EML1: variants seen among roughly 807,000 people sequenced by gnomAD.
EML1 encodes EMAP like 1, also known as echinoderm microtubule-associated protein-like 1.
A neutral mutation model predicts 110.4 loss-of-function variants in EML1; 27 were observed. That is an observed-to-expected ratio of 0.24 (90% CI 0.18 to 0.34). EML1 has a LOEUF of 0.34. Among genes scored for constraint, EML1 ranks in the 10% least tolerant of loss-of-function variants. The pLI, the probability that EML1 is intolerant of heterozygous loss-of-function variation, is 1.00. For missense variants in EML1, 741 were observed against 1,030.9 expected (o/e 0.72, Z 3.85); for synonymous variants, 344 against 385.8 (o/e 0.89, Z 1.27).
At chr14:99,789,294 C>T (rs1307809611), upstream of EML1, among the ~76,000 whole-genome samples, 1 of 152,114 alleles carries the variant, frequency 6.6e-6, no homozygotes, top group Non-Finnish European at 1.5e-5. Flanking sequence ...TTGCAACCTC[C>T]ACCTCCTGGG....
intron 2 of EML1, among the ~76,000 whole-genome samples, chr14:99,862,039 A>G (rs2059011031): frequency 6.6e-6 from 1 of 152,120 alleles, no homozygotes; most frequent in Non-Finnish European, 1.5e-5. Flanking sequence ...AGGATAACAC[A>G]TTATCTTTAG....
upstream of EML1, among the ~76,000 whole-genome samples, chr14:99,792,495 C>T (rs572788528): frequency 1.3e-5 from 2 of 152,298 alleles, no homozygotes; most frequent in South Asian, 2.1e-4. Context: ...AGCATTTATA[C>T]GTGTATGGCC....
intron 1 of EML1, among the ~76,000 whole-genome samples, chr14:99,739,379 A>T (rs2057015056): frequency 6.6e-6 from 1 of 152,176 alleles, no homozygotes; most frequent in Admixed American, 6.5e-5. Context: ...AGCCACCCGC[A>T]TGGAGATGGG....
chr14:99,851,153 A>G (rs2058792050), intron 2 of EML1, 118 bp downstream of exon 2: 1 of 1,151,246 alleles, frequency 8.7e-7, no homozygotes, highest in Non-Finnish European at 1.2e-6. Context: ...GAATAACAAT[A>G]AAACAGTCTT....
intron 3 of EML1, among the ~76,000 whole-genome samples, chr14:99,872,401 G>A (rs1361917105): frequency 1.3e-5 from 2 of 152,206 alleles, no homozygotes; most frequent in Non-Finnish European, 2.9e-5. Context: ...GTGTGTGCTA[G>A]CACTTAAATG....
In EML1 at chr14:99,939,981, C is replaced by T. The variant is rs768559576; in HGVS notation, c.2323-6C>T. Reference sequence around the variant, plus strand: ...AGGAAGCTTTCCCCCGTATCATTCCCTCCAGGCTCCAAGCCACATCTACGG... The same window carrying T: ...AGGAAGCTTTCCCCCGTATCATTCCTTCCAGGCTCCAAGCCACATCTACGG... On this transcript the variant is annotated splice_polypyrimidine_tract_variant and splice_region_variant and intron_variant, in intron 21 of 21. Transcript: ENST00000262233. This position sits in a 1 kb window ranked among gnomAD's most constrained non-coding sequence, Gnocchi z 4.2. 3.2e-5 allele frequency: 50 copies of T among 1,568,768 alleles called. No homozygotes were observed. Among genetic ancestry groups the T allele is most frequent in the Non-Finnish European group, 4.2e-5 (49 of 1,157,932 alleles).
At chr14:99,778,887 T>G (rs1238779383) in intron 1 of EML1, among the ~76,000 whole-genome samples, 2 of 152,220 alleles carry the variant, frequency 1.3e-5, no homozygotes, top group Admixed American at 6.5e-5. Context: ...CTGTTGTTTC[T>G]CTCTAGAAGC....
At chr14:99,821,023 CT>C (rs869159128) in intron 1 of EML1, among the ~76,000 whole-genome samples, 13,270 of 133,806 alleles carry the variant, frequency 0.099, 1,128 homozygotes, top group African/African-American at 0.26. Flanking sequence ...CTTACATTTA[CT>C]TTTTTTTTTT....
At chr14:99,792,816 C>CTTT (rs2057692016), upstream of EML1, 1 of 152,360 alleles carries the variant, frequency 6.6e-6, no homozygotes, top group Non-Finnish European at 1.5e-5. Flanking sequence ...GAGGCAGGGC[C>CTTT]TTGCTGCCGC....
At chr14:99,787,112 C>T (rs1440444715) in intron 1 of EML1, among the ~76,000 whole-genome samples, 4 of 152,056 alleles carry the variant, frequency 2.6e-5, no homozygotes, top group Admixed American at 6.5e-5. Context: ...GGTTGGAGGC[C>T]GCAGAGTTGA....
chr14:99,897,012 A>G (rs1033170126), intron 6 of EML1, 133 bp from the exon 7 acceptor site: 18 of 816,032 alleles, frequency 2.2e-5, no homozygotes, highest in East Asian at 1.3e-4. Flanking sequence ...AATATTTGCA[A>G]TTTAATGTTG....
intron 1 of EML1, among the ~76,000 whole-genome samples, chr14:99,814,604 T>C (rs780608596): frequency 6.6e-6 from 1 of 152,178 alleles, no homozygotes; most frequent in African/African-American, 2.4e-5. Context: ...AATTAATAGG[T>C]CATGAAACTA....
At chr14:99,836,204 C>A (rs371832316) in intron 1 of EML1, among the ~76,000 whole-genome samples, 2 of 70,498 alleles carry the variant, frequency 2.8e-5, no homozygotes, top group South Asian at 4.5e-4. Flanking sequence ...TCTTTAATTT[C>A]TTTTATTATG....
chr14:99,908,714 C>G (rs923274461), intron 10 of EML1, among the ~76,000 whole-genome samples: 32 of 152,258 alleles, frequency 2.1e-4, no homozygotes, highest in Middle Eastern at 3.4e-3. Context: ...GCGGAGGTGG[C>G]ACCTGAAGTG....
At chr14:99,744,717 A>G (rs555077844) in intron 1 of EML1, among the ~76,000 whole-genome samples, 1 of 152,340 alleles carries the variant, frequency 6.6e-6, no homozygotes, top group South Asian at 2.1e-4. Context: ...ACGGAGTTGC[A>G]TTTGCATTTT....
chr14:99,883,877 C>T (rs575685866), intron 4 of EML1, among the ~76,000 whole-genome samples: 3 of 152,226 alleles, frequency 2.0e-5, no homozygotes, highest in South Asian at 2.1e-4. Flanking sequence ...AGGCCACCAT[C>T]TAGAACAATG....
intron 1 of EML1, among the ~76,000 whole-genome samples, chr14:99,756,283 G>A (rs1171850646): frequency 6.6e-6 from 1 of 152,218 alleles, no homozygotes; most frequent in South Asian, 2.1e-4. Context: ...GGTGGTGGGG[G>A]CAGGGTCAGG....
intron 1 of EML1, among the ~76,000 whole-genome samples, chr14:99,818,382 A>T (rs909086242): frequency 5.9e-5 from 9 of 152,200 alleles, no homozygotes; most frequent in Non-Finnish European, 1.2e-4. Context: ...GGATATTTAG[A>T]AGATATTTAA....
chr14:99,933,984 A>T (rs1290895874), intron 17 of EML1, among the ~76,000 whole-genome samples: 1 of 152,188 alleles, frequency 6.6e-6, no homozygotes, highest in African/African-American at 2.4e-5. Context: ...AATCCCAGCT[A>T]CTTGGGAGGC....
Sources: gnomAD v4.1 joint callset for allele counts (sites outside exome capture counted in the v4.1 genomes callset) on GRCh38, gnomAD v4.1.1 for gene constraint, Gnocchi (gnomAD v3.1) non-coding constraint, MANE v1.5 for transcripts, NCBI Gene and HGNC (gene_info 2026-07-23, HGNC 2026-07-21) for gene names.